EYS: variants seen among roughly 807,000 people sequenced by gnomAD.
EYS encodes the protein EGF-like photoreceptor maintenance factor.
A neutral mutation model predicts 282.1 loss-of-function variants in EYS; 250 were observed. The ratio of observed to expected loss-of-function variants is 0.89; its 90% CI spans 0.80 to 0.98. EYS has a LOEUF of 0.98. Ranked by LOEUF, EYS falls within the 50% of genes least tolerant of loss-of-function variation. The pLI is 0.00. For missense variants in EYS, 4,016 were observed against 3,709.0 expected (o/e 1.08, Z -2.15); for synonymous variants, 1,355 against 1,282.9 (o/e 1.06, Z -1.20).
chr6:64,047,997 C>T (rs1770684913), intron 33 of EYS, among the ~76,000 whole-genome samples: 1 of 152,076 alleles, frequency 6.6e-6, no homozygotes, highest in South Asian at 2.1e-4. Context: ...CCTCTGCCTC[C>T]CAGGTTCAAG....
intron 30 of EYS, among the ~76,000 whole-genome samples, chr6:64,301,188 C>T (rs1348607735): frequency 6.6e-6 from 1 of 152,204 alleles, no homozygotes; most frequent in Admixed American, 6.5e-5. Context: ...ATACTAAAAA[C>T]TTACGTACCT....
chr6:65,243,696 G>A (rs1242930760), intron 12 of EYS, among the ~76,000 whole-genome samples: 1 of 151,808 alleles, frequency 6.6e-6, no homozygotes, highest in Non-Finnish European at 1.5e-5. Flanking sequence ...CACCATTTTG[G>A]AAATCTTTTC....
chr6:65,667,770 T>C (rs2149830372), intron 1 of EYS, among the ~76,000 whole-genome samples: 1 of 151,918 alleles, frequency 6.6e-6, no homozygotes, highest in South Asian at 2.1e-4. Context: ...GAACAATATT[T>C]CCTAAATTAC....
At chr6:64,840,407 T>A (rs925755955) in intron 19 of EYS, among the ~76,000 whole-genome samples, 5 of 152,102 alleles carry the variant, frequency 3.3e-5, no homozygotes, top group African/African-American at 1.2e-4. Flanking sequence ...TGAAAATCAA[T>A]AATAAAAGAT....
intron 31 of EYS, among the ~76,000 whole-genome samples, chr6:64,119,099 GA>G (rs1251619349): frequency 6.6e-6 from 1 of 151,886 alleles, no homozygotes; most frequent in African/African-American, 2.4e-5. Context: ...TTTTTAATTT[GA>G]GTGATAGAGT....
At chr6:63,863,259 A>G (rs1036137313) in intron 36 of EYS, among the ~76,000 whole-genome samples, 1 of 152,244 alleles carries the variant, frequency 6.6e-6, no homozygotes, top group Non-Finnish European at 1.5e-5. Context: ...GAAAATATCT[A>G]CACACATTTA....
At chr6:63,834,832 G>T (rs181817507) in intron 36 of EYS, among the ~76,000 whole-genome samples, 1 of 151,970 alleles carries the variant, frequency 6.6e-6, no homozygotes, top group East Asian at 1.9e-4. Context: ...ACTAGATTAA[G>T]ACAATGTGTC....
At chr6:64,452,809 T>G (rs1215413964) in intron 26 of EYS, among the ~76,000 whole-genome samples, 2 of 152,134 alleles carry the variant, frequency 1.3e-5, no homozygotes, top group African/African-American at 2.4e-5. Flanking sequence ...TAGCCATATG[T>G]AGAAAGCTGA....
chr6:65,475,919 T>A (rs1446262251), intron 5 of EYS, among the ~76,000 whole-genome samples: 6 of 152,128 alleles, frequency 3.9e-5, no homozygotes, highest in South Asian at 2.1e-4. Context: ...ACCGATTACA[T>A]GATTTCAGTA....
At chr6:64,875,611 A>T (rs150402804) in intron 19 of EYS, among the ~76,000 whole-genome samples, 164 of 152,226 alleles carry the variant, frequency 1.1e-3, no homozygotes, top group Middle Eastern at 0.01. Flanking sequence ...ACTATGAACA[A>T]CTGAAGAAGA....
intron 5 of EYS, among the ~76,000 whole-genome samples, chr6:65,443,737 T>C (rs995760009): frequency 2.0e-5 from 3 of 150,804 alleles, no homozygotes; most frequent in African/African-American, 7.3e-5. Flanking sequence ...TACGTGCATA[T>C]ACACATATAT....
chr6:64,975,427 A>T (rs1333737331), intron 14 of EYS, among the ~76,000 whole-genome samples: 1 of 151,892 alleles, frequency 6.6e-6, no homozygotes, highest in Non-Finnish European at 1.5e-5. Context: ...TGGACAGTAT[A>T]TGTGAGATGC....
intron 12 of EYS, among the ~76,000 whole-genome samples, chr6:65,096,295 G>T (rs1054566507): frequency 6.6e-6 from 1 of 150,394 alleles, no homozygotes; most frequent in Non-Finnish European, 1.5e-5. Flanking sequence ...AACCATGGAG[G>T]TTAAAGACTT....
At chr6:65,283,482 A>G (rs1768278370) in intron 12 of EYS, among the ~76,000 whole-genome samples, 2 of 151,984 alleles carry the variant, frequency 1.3e-5, no homozygotes, top group African/African-American at 2.4e-5. Context: ...TGTTAATAAC[A>G]TCTTTTATTT....
chr6:64,301,588 G>T (rs1313301599), intron 30 of EYS, among the ~76,000 whole-genome samples: 4 of 152,072 alleles, frequency 2.6e-5, no homozygotes, highest in Admixed American at 6.5e-5. Context: ...CAGTTGCTAG[G>T]TTATGATCCT....
chr6:65,685,681 T>C (rs1768990135), intron 1 of EYS, among the ~76,000 whole-genome samples: 1 of 152,062 alleles, frequency 6.6e-6, no homozygotes, highest in African/African-American at 2.4e-5. Flanking sequence ...AACCTCTTTT[T>C]ATTTCCATTA....
chr6:65,597,628 C>T (rs1765455086), intron 2 of EYS, among the ~76,000 whole-genome samples: 1 of 152,144 alleles, frequency 6.6e-6, no homozygotes, highest in Non-Finnish European at 1.5e-5. Flanking sequence ...TGCAAGGTCA[C>T]TTCAGAAGTC....
At chr6:64,279,345 G>T (rs1241185616) in intron 30 of EYS, among the ~76,000 whole-genome samples, 3 of 152,136 alleles carry the variant, frequency 2.0e-5, no homozygotes, top group Non-Finnish European at 2.9e-5. Context: ...GCTTACATCA[G>T]CCTGAAGCCA....
intron 22 of EYS, among the ~76,000 whole-genome samples, chr6:64,685,939 T>C (rs1421051068): frequency 1.3e-5 from 2 of 152,040 alleles, no homozygotes; most frequent in South Asian, 4.1e-4. Context: ...TGAAATCTTA[T>C]AGAGTATGTT....
Sources: gnomAD v4.1 joint callset for allele counts (sites outside exome capture counted in the v4.1 genomes callset) on GRCh38, gnomAD v4.1.1 for gene constraint, MANE v1.5 for transcripts, NCBI Gene and HGNC (gene_info 2026-07-23, HGNC 2026-07-21) for gene names.